The following ANK2 variants were observed in gnomAD, a reference collection of about 807,000 sequenced individuals.
ANK2 encodes the protein ankyrin 2, also known as ankyrin-2.
A neutral mutation model predicts 360.5 loss-of-function variants in ANK2; 83 were observed. The observed-to-expected ratio is 0.23, with a 90% CI of 0.19 to 0.28. ANK2 has a LOEUF of 0.28. Ranked by LOEUF, ANK2 falls within the 10% of genes least tolerant of loss-of-function variation. The pLI, the probability that ANK2 is intolerant of heterozygous loss-of-function variation, is 1.00. For missense variants in ANK2, 4,201 were observed against 4,795.7 expected (o/e 0.88, Z 3.66); for synonymous variants, 1,740 against 1,759.5 (o/e 0.99, Z 0.28).
At chr4:112,951,902 C>G (rs904848398) in intron 2 of ANK2, among the ~76,000 whole-genome samples, 6 of 152,178 alleles carry the variant, frequency 3.9e-5, no homozygotes, top group African/African-American at 1.4e-4. Flanking sequence ...TGTAGCAAAC[C>G]TGTGGCTGCA....
At chr4:113,084,186 G>A (rs313970) in intron 1 of ANK2, among the ~76,000 whole-genome samples, 4,301 of 152,320 alleles carry the variant, frequency 0.028, 186 homozygotes, top group African/African-American at 0.096. Context: ...AGGCCTGAAA[G>A]TGGCGTGCAT....
At chr4:113,191,193 A>T (rs1982765) in intron 2 of ANK2, among the ~76,000 whole-genome samples, 59,569 of 151,908 alleles carry the variant, frequency 0.39, 11,983 homozygotes, top group Non-Finnish European at 0.43. Context: ...TACCAAAAAA[A>T]TTAGCCAGGT....
At chr4:112,779,304 G>T in the ANK2 span, among the ~76,000 whole-genome samples, 1 of 152,082 alleles carries the variant, frequency 6.6e-6, no homozygotes, top group Non-Finnish European at 1.5e-5. Flanking sequence ...AGATCACAAG[G>T]TCAGGAGATC....
At chr4:113,325,793 C>A (rs548036166) in intron 26 of ANK2, among the ~76,000 whole-genome samples, 1 of 152,094 alleles carries the variant, frequency 6.6e-6, no homozygotes. Context: ...TTATTGAATT[C>A]CGTATGCTTT....
At chr4:113,086,224 G>C (rs532837027) in intron 1 of ANK2, among the ~76,000 whole-genome samples, 1 of 152,142 alleles carries the variant, frequency 6.6e-6, no homozygotes, top group Admixed American at 6.5e-5. Flanking sequence ...CCTTTTAAAT[G>C]TAACTGTCTC....
chr4:113,225,444 T>C (rs1316847147), intron 4 of ANK2, among the ~76,000 whole-genome samples: 2 of 152,178 alleles, frequency 1.3e-5, no homozygotes, highest in Non-Finnish European at 2.9e-5. Flanking sequence ...TTTACTCTTA[T>C]ATTAAGATAA....
chr4:113,049,586 C>G (rs1438268663), upstream of ANK2: 1 of 1,486,540 alleles, frequency 6.7e-7, no homozygotes, highest in Admixed American at 2.0e-5. Flanking sequence ...ATGGCAACGT[C>G]ACCGTCCTTA....
chr4:112,752,863 A>C, the ANK2 span, among the ~76,000 whole-genome samples: 1 of 151,464 alleles, frequency 6.6e-6, no homozygotes, highest in Non-Finnish European at 1.5e-5. Context: ...AAGAGATTTC[A>C]TCATGCTGCC....
chr4:112,941,893 A>T (rs910283739), intron 2 of ANK2, among the ~76,000 whole-genome samples: 4 of 150,754 alleles, frequency 2.7e-5, no homozygotes, highest in African/African-American at 7.3e-5. Context: ...TTCTTCATTT[A>T]AAAGTTAACA....
At chr4:113,362,305 A>T (rs2096269101) in intron 39 of ANK2, among the ~76,000 whole-genome samples, 1 of 152,168 alleles carries the variant, frequency 6.6e-6, no homozygotes, top group Non-Finnish European at 1.5e-5. Flanking sequence ...TGCGGAAAAG[A>T]TACGTATATT....
chr4:113,191,345 CA>C (rs747579318), intron 2 of ANK2, among the ~76,000 whole-genome samples: 2 of 151,928 alleles, frequency 1.3e-5, no homozygotes, highest in East Asian at 3.9e-4. Context: ...AATTCCATCT[CA>C]AAAAATTAAA....
intron 1 of ANK2, among the ~76,000 whole-genome samples, chr4:112,858,430 T>C (rs1035497334): frequency 1.3e-5 from 2 of 152,180 alleles, no homozygotes; most frequent in Admixed American, 6.5e-5. Flanking sequence ...TACTTTTTGA[T>C]TGATGAGTGA....
At chr4:113,113,930 TAGTTATA>T (rs1279477669) in intron 1 of ANK2, among the ~76,000 whole-genome samples, 4 of 152,178 alleles carry the variant, frequency 2.6e-5, no homozygotes, top group Non-Finnish European at 5.9e-5. Flanking sequence ...CTGAATAAGC[TAGTTATA>T]AAGAGGCAAA....
In ANK2 at chr4:113,250,758, C is replaced by CCA. The variant is rs927149581; in HGVS notation, c.990+897_990+898insAC. ...TTCCATTCCACCTCATACCACCGCC[C>CCA]CCCCCCCCGACAGAGTTGGTATCAA... is the stretch of plus-strand genomic sequence containing the variant. On this transcript the variant is annotated intron_variant, in intron 10 of 45. Coordinates refer to ENST00000357077, the MANE Select transcript of ANK2 (RefSeq NM_001148.6). Among the ~76,000 whole-genome samples the CCA allele has an allele frequency of 3.0e-4, 40 of 132,274 alleles. 4 individuals carry two copies. Among genetic ancestry groups the CCA allele is most frequent in the African/African-American group, 8.5e-4 (32 of 37,462 alleles). The allele number at this position is 132,274 out of a possible 152,430, so 86.8% of individuals were successfully genotyped here. A position where few individuals can be genotyped will look rare whatever the true frequency, so the allele number is the denominator to read the frequency against.
chr4:113,021,530 C>CACACACACACACACACACACA (rs1554056651), intron 2 of ANK2, among the ~76,000 whole-genome samples: 1 of 13,088 alleles, frequency 7.6e-5, no homozygotes, highest in African/African-American at 2.3e-4. Context: ...ACACACACAC[C>CACACACACACACACACACACA]CACACACAAA....
chr4:113,373,626 C>A, intron 45 of ANK2, 177 bp downstream of exon 45: 1 of 789,344 alleles, frequency 1.3e-6, no homozygotes, highest in East Asian at 2.4e-5. Flanking sequence ...TTTAAGACAG[C>A]CATCAGGGAG....
chr4:113,357,417 C>T lies in ANK2; in HGVS notation c.8799C>T (p.Ser2933=). The part of the protein sequence containing the change: ...QITSPYENVP[S]QSFFSSEESK... Reference sequence around the variant, plus strand: ...CTAGCCCTTATGAAAATGTCCCTTCCCAATCTTTTTTCTCTAGTGAAGAAA... The same window carrying T: ...CTAGCCCTTATGAAAATGTCCCTTCTCAATCTTTTTTCTCTAGTGAAGAAA... Residue 2933 remains serine, a synonymous_variant, in exon 38 of 46, where the codon TCC becomes TCT. Coordinates refer to ENST00000357077, the MANE Select transcript of ANK2 (RefSeq NM_001148.6). 6.2e-7 allele frequency: 1 copy of T among 1,614,048 alleles called. No individual in the cohort carries two copies. The highest frequency in any genetic ancestry group is 8.5e-7 in the Non-Finnish European group (1 of 1,179,976).
chr4:112,801,188 A>AT, the ANK2 span, among the ~76,000 whole-genome samples: 3,217 of 152,178 alleles, frequency 0.021, 116 homozygotes, highest in African/African-American at 0.074. Flanking sequence ...GAATGGGCTT[A>AT]TTTTTTGTGT....
chr4:113,356,140 C>A lies in ANK2; in HGVS notation c.7522C>A (p.Arg2508=). The change falls in exon 38 of 46, where the codon CGG becomes AGG. Residue 2508 remains arginine, a synonymous_variant. Transcript: ENST00000357077. ...LLTEVASVRS[R]LLRDPDGSAE... is the part of the protein sequence containing the mutation. ...GACGGAAGTGGCCTCTGTGCGGTCC[C>A]GGCTACTCCGAGACCCTGATGGCAG... 1 of 1,614,062 alleles carries A rather than the reference C, an allele frequency of 6.2e-7. No homozygotes were observed. The highest frequency in any genetic ancestry group is 8.5e-7 in the Non-Finnish European group (1 of 1,179,988).
Sources: gnomAD v4.1 joint callset for allele counts (sites outside exome capture counted in the v4.1 genomes callset) on GRCh38, gnomAD v4.1.1 for gene constraint, MANE v1.5 for transcripts, NCBI Gene and HGNC (gene_info 2026-07-23, HGNC 2026-07-21) for gene names.